The following SCAMP4 variants were observed in gnomAD, a reference collection of about 807,000 sequenced individuals.
SCAMP4 encodes secretory carrier membrane protein 4.
A neutral mutation model predicts 32.1 loss-of-function variants in SCAMP4; 19 were observed. The observed-to-expected ratio is 0.59, with a 90% confidence interval of 0.41 to 0.87. The LOEUF (loss-of-function observed/expected upper bound fraction) is 0.87, where lower values mean the gene tolerates loss of function less well. Among genes scored for constraint, SCAMP4 ranks in the 40% least tolerant of loss-of-function variants. The pLI is 0.00. For missense variants in SCAMP4, 302 were observed against 309.0 expected, an observed-to-expected ratio of 0.98 and a Z score of 0.17; for synonymous variants, 152 against 132.7, an observed-to-expected ratio of 1.15 and a Z score of -1.00.
rs1266348028 is a variant in SCAMP4, at chr19:1,908,655, T to A, written c.-42+3216T>A. 2.3e-6 allele frequency: 1 copy of A among 441,102 alleles called. No homozygotes were observed. Among genetic ancestry groups the A allele is most frequent in the Non-Finnish European group, 4.6e-6 (1 of 216,750 alleles). The allele number at this position is 441,102 out of a possible 1,614,324, so 27.3% of individuals were successfully genotyped here. On this transcript the variant is annotated intron_variant, in intron 1 of 6. Coordinates refer to ENST00000316097, the MANE Select transcript of SCAMP4 (RefSeq NM_079834.4). The surrounding 1 kb of genome is among the most constrained non-coding windows in gnomAD (Gnocchi z 4.2). ...ACACAGGTAGTAAGGTTTTTAGGAT[T>A]TTATTATTATTTATTTATTTGAAAA...
At chr19:1,910,238 G>A (rs993241775) in intron 1 of SCAMP4, among the ~76,000 whole-genome samples, 4 of 152,210 alleles carry the variant, frequency 2.6e-5, no homozygotes, top group African/African-American at 9.6e-5. Flanking sequence ...CTCAACGGGG[G>A]TGGCATCTGC....
At chr19:1,915,119 A>C (rs10853957) in intron 2 of SCAMP4, 93 bp downstream of exon 2, 1,377,791 of 1,491,052 alleles carry the variant, frequency 0.92, 637,080 homozygotes, top group Non-Finnish European at 0.93. Flanking sequence ...GCCGTTGGCA[A>C]ACAGTGTCCT....
In SCAMP4 at chr19:1,913,342, C is replaced by G. The variant is rs2013602763; in HGVS notation, c.-41-1637C>G. 5 of 860,452 alleles carry G rather than the reference C, an allele frequency of 5.8e-6. No individual in the cohort carries two copies. The South Asian group carries it at 9.4e-5, about 16-fold the overall frequency. The allele number at this position is 860,452 out of a possible 1,614,324, so 53.3% of individuals were successfully genotyped here. On this transcript the variant is annotated intron_variant, in intron 1 of 6. Coordinates refer to ENST00000316097, the MANE Select transcript of SCAMP4 (RefSeq NM_079834.4). ...CCTGGACTCGGTCATTGGGGCCACC[C>G]CGTGCCAGCGGTGCCCTTCTGCGGC...
Position 1,908,397 on chromosome 19 carries a change from C to T in SCAMP4, c.-42+2958C>T, listed in dbSNP as rs1599231486. On this transcript the variant is annotated intron_variant, in intron 1 of 6. Coordinates refer to ENST00000316097, the MANE Select transcript of SCAMP4 (RefSeq NM_079834.4). This position sits in a 1 kb window ranked among gnomAD's most constrained non-coding sequence, Gnocchi z 4.2. ...GTCCCCCATCTGTGGGGCGCCCCGGCGGCTGAGGCGTGGACCAGGCAGTGC... is the reference window on the plus strand; with the variant it reads ...GTCCCCCATCTGTGGGGCGCCCCGGTGGCTGAGGCGTGGACCAGGCAGTGC... The T allele has an allele frequency of 7.1e-6, 3 of 421,796 alleles. No individual in the cohort carries two copies. The highest frequency in any genetic ancestry group is 5.4e-5 in the Admixed American group (2 of 37,378). The allele number at this position is 421,796 out of a possible 1,614,324, so 26.1% of individuals were successfully genotyped here. A position where few individuals can be genotyped will look rare whatever the true frequency, so the allele number is the denominator to read the frequency against.
intron 1 of SCAMP4, chr19:1,913,459 T>C: frequency 2.1e-6 from 1 of 483,600 alleles, no homozygotes; most frequent in East Asian, 4.1e-5. Flanking sequence ...TGGGTGTCTG[T>C]TAGGAGGTGT....
intron 5 of SCAMP4, among the ~76,000 whole-genome samples, chr19:1,919,742 G>A (rs372313712): frequency 2.0e-5 from 3 of 151,522 alleles, no homozygotes; most frequent in Admixed American, 1.3e-4. Context: ...CAGGCAATCC[G>A]CCTTTCTCAG....
At chr19:1,923,664 G>A (rs903062967) in intron 6 of SCAMP4, among the ~76,000 whole-genome samples, 2 of 121,692 alleles carry the variant, frequency 1.6e-5, no homozygotes, top group African/African-American at 3.2e-5. Flanking sequence ...TGTCACCCAG[G>A]CTGGAGTGTA....
intron 5 of SCAMP4, chr19:1,921,276 T>G: frequency 1.0e-6 from 1 of 985,364 alleles, no homozygotes. Context: ...CCGGGCAGCT[T>G]CACCAGCGTC....
At position 1,924,433 on chromosome 19, in the gene SCAMP4, G is replaced by A; in HGVS notation, c.*149G>A. 1 of 657,014 alleles carries A rather than the reference G, an allele frequency of 1.5e-6. No homozygotes were observed. The highest frequency in any genetic ancestry group is 2.6e-6 in the Non-Finnish European group (1 of 379,276). 40.7% of individuals were successfully genotyped at this position (657,014 alleles called of 1,614,324 possible). ...GGTGGCCACGGACCGCCCCCCTCCT[G>A]CCAGGGCCACAGAACCCGTGTTCAT... On this transcript the variant is annotated 3_prime_UTR_variant, in exon 7 of 7. Coordinates refer to ENST00000316097, the MANE Select transcript of SCAMP4 (RefSeq NM_079834.4).
intron 2 of SCAMP4, among the ~76,000 whole-genome samples, chr19:1,915,932 G>C (rs1241570409): frequency 1.6e-5 from 2 of 124,148 alleles, no homozygotes; most frequent in Non-Finnish European, 3.3e-5. Context: ...GTGACAGAGC[G>C]AGACTGTCTC....
At chr19:1,919,245 G>A (rs1244009137) in intron 5 of SCAMP4, 16 of 1,344,282 alleles carry the variant, frequency 1.2e-5, no homozygotes, top group Middle Eastern at 2.9e-4. Context: ...CAGTGCCTGC[G>A]TCCTCGCCAG....
At chr19:1,912,829 C>T (rs771673598) in intron 1 of SCAMP4, 1 of 1,591,354 alleles carries the variant, frequency 6.3e-7, no homozygotes, top group Non-Finnish European at 8.5e-7. Flanking sequence ...GACTTCAGAC[C>T]CTTCCCCGCC....
intron 5 of SCAMP4, among the ~76,000 whole-genome samples, chr19:1,919,659 G>A (rs1198050366): frequency 6.6e-6 from 1 of 151,230 alleles, no homozygotes; most frequent in Non-Finnish European, 1.5e-5. Flanking sequence ...ACCACGCCTG[G>A]CTAATTTCTT....
At chr19:1,907,645 C>T (rs892500441) in intron 1 of SCAMP4, among the ~76,000 whole-genome samples, 1 of 152,154 alleles carries the variant, frequency 6.6e-6, no homozygotes, top group African/African-American at 2.4e-5. Flanking sequence ...GTTGTCACCA[C>T]GCAGGGTCTG....
chr19:1,915,863 G>A (rs1239330599), intron 2 of SCAMP4, among the ~76,000 whole-genome samples: 1 of 151,214 alleles, frequency 6.6e-6, no homozygotes, highest in African/African-American at 2.4e-5. Context: ...GGAGAATGGT[G>A]TGAACCCGGG....
intron 1 of SCAMP4, among the ~76,000 whole-genome samples, chr19:1,909,009 G>A (rs1396812775): frequency 6.6e-6 from 1 of 152,112 alleles, no homozygotes; most frequent in Non-Finnish European, 1.5e-5. Context: ...GGGGGCTGAG[G>A]CAGGAGAATC....
chr19:1,923,993 C>CG lies in SCAMP4; in HGVS notation c.514-115_514-114insG, dbSNP rs2014012825. The CG allele has an allele frequency of 7.7e-5, 34 of 438,836 alleles. 12 individuals carry two copies. The highest frequency in any genetic ancestry group is 1.2e-4 in the Non-Finnish European group (27 of 232,384). The allele number at this position is 438,836 out of a possible 1,614,324, so 27.2% of individuals were successfully genotyped here. A position where few individuals can be genotyped will look rare whatever the true frequency, so the allele number is the denominator to read the frequency against. On this transcript the variant is annotated intron_variant, in intron 6 of 6. Transcript: ENST00000316097. ...TGGACTGGTCTCGAACTCCAGAGCTCAGACAGTCTGTCTGCCTCGGCCTCC... is the reference window on the plus strand; with the variant it reads ...TGGACTGGTCTCGAACTCCAGAGCTCGAGACAGTCTGTCTGCCTCGGCCTCC...
intron 1 of SCAMP4, among the ~76,000 whole-genome samples, chr19:1,911,339 T>G (rs1389699176): frequency 6.6e-6 from 1 of 152,052 alleles, no homozygotes; most frequent in African/African-American, 2.4e-5. Context: ...GCCCAGCTAA[T>G]TTTTTGATAT....
chr19:1,913,677 G>C (rs2013621485), intron 1 of SCAMP4, among the ~76,000 whole-genome samples: 1 of 152,184 alleles, frequency 6.6e-6, no homozygotes, highest in African/African-American at 2.4e-5. Flanking sequence ...ACTAGGCGTA[G>C]TCCACAGGGC....
Sources: allele counts gnomAD v4.1 joint callset (sites outside exome capture counted in the v4.1 genomes callset), GRCh38; gene constraint gnomAD v4.1.1; non-coding constraint Gnocchi (gnomAD v3.1); transcripts MANE v1.5; gene names NCBI Gene and HGNC (gene_info 2026-07-23, HGNC 2026-07-21).